The following RPN2 variants were observed in gnomAD, a reference collection of about 807,000 sequenced individuals.
RPN2 encodes the protein dolichyl-diphosphooligosaccharide--protein glycosyltransferase subunit 2.
RPN2 carries 29 observed loss-of-function variants against 71.4 expected under a neutral mutation model. The ratio of observed to expected loss-of-function variants is 0.41; its 90% confidence interval spans 0.30 to 0.55. The LOEUF is 0.55. RPN2 is among the 20% of genes least tolerant of loss of function. RPN2 has a pLI of 0.35. For missense variants in RPN2, 726 were observed against 774.1 expected, an observed-to-expected ratio of 0.94 and a Z score of 0.74; for synonymous variants, 308 against 305.0, an observed-to-expected ratio of 1.01 and a Z score of -0.10.
intron 16 of RPN2, among the ~76,000 whole-genome samples, chr20:37,239,789 C>CA (rs2068504725): frequency 6.6e-6 from 1 of 152,244 alleles, no homozygotes; most frequent in African/African-American, 2.4e-5. Context: ...CTCCCACCCC[C>CA]ACTCCCTGGC....
At chr20:37,234,394 A>C (rs930102856) in intron 15 of RPN2, among the ~76,000 whole-genome samples, 3 of 152,224 alleles carry the variant, frequency 2.0e-5, no homozygotes, top group Non-Finnish European at 4.4e-5. Context: ...GTATCTTTAC[A>C]TTGAGCAATC....
Position 37,229,960 on chromosome 20 carries a change from C to T in RPN2, c.1495-13C>T. On this transcript the variant is annotated splice_polypyrimidine_tract_variant and intron_variant, in intron 12 of 16. Coordinates refer to ENST00000237530, the MANE Select transcript of RPN2 (RefSeq NM_002951.5). ...TGCCCCTGTGCTTTTACAGACTGTC[C>T]TTATTTTTCTAGGCTGATGTGGTCA... 6.2e-7 allele frequency: 1 copy of T among 1,606,680 alleles called. No individual in the cohort carries two copies. The highest frequency in any genetic ancestry group is 8.5e-7 in the Non-Finnish European group (1 of 1,173,324).
chr20:37,204,506 C>G (rs1250873284), intron 5 of RPN2, among the ~76,000 whole-genome samples: 2 of 152,224 alleles, frequency 1.3e-5, no homozygotes, highest in Admixed American at 6.5e-5. Context: ...TGCCATGACT[C>G]CTGGGCTTGG....
At chr20:37,179,494 G>A in intron 1 of RPN2, 125 bp downstream of exon 1, 7 of 1,308,272 alleles carry the variant, frequency 5.4e-6, no homozygotes, top group Non-Finnish European at 4.9e-6. Context: ...CACAAGCTCT[G>A]GCTGGGGCGC....
chr20:37,203,517 T>A (rs1425108516), intron 4 of RPN2, among the ~76,000 whole-genome samples: 1 of 152,066 alleles, frequency 6.6e-6, no homozygotes, highest in Non-Finnish European at 1.5e-5. Context: ...ATTTTTAGTA[T>A]TTTTAGTAGA....
chr20:37,241,183 C>T lies in RPN2; in HGVS notation c.1884-120C>T, dbSNP rs532161941. 1.1e-5 allele frequency: 12 copies of T among 1,128,006 alleles called. No homozygotes were observed. In the East Asian group the frequency reaches 1.5e-4, roughly 14 times the overall value. The allele number at this position is 1,128,006 out of a possible 1,614,324, so 69.9% of individuals were successfully genotyped here. A position where few individuals can be genotyped will look rare whatever the true frequency, so the allele number is the denominator to read the frequency against. ...AGACTTGGGAGATAAATGATTATTC[C>T]CTTATAAATGGGATCTTAGAGCGGG... is the stretch of plus-strand genomic sequence containing the variant. On this transcript the variant is annotated intron_variant, in intron 16 of 16. Coordinates refer to ENST00000237530, the MANE Select transcript of RPN2 (RefSeq NM_002951.5).
chr20:37,221,010 A>G (rs570084912), intron 9 of RPN2, among the ~76,000 whole-genome samples: 2 of 152,282 alleles, frequency 1.3e-5, no homozygotes, highest in Non-Finnish European at 2.9e-5. Context: ...TGCTCACTCC[A>G]TGTATCTGCA....
At chr20:37,205,407 AG>A (rs937261369) in intron 6 of RPN2, among the ~76,000 whole-genome samples, 3 of 152,160 alleles carry the variant, frequency 2.0e-5, no homozygotes. Context: ...TTTTCTCAAG[AG>A]GAGGTTGTTA....
chr20:37,217,722 CT>C (rs199661722), intron 9 of RPN2, among the ~76,000 whole-genome samples: 5 of 146,992 alleles, frequency 3.4e-5, no homozygotes, highest in African/African-American at 1.0e-4. Flanking sequence ...CCAGACTTAG[CT>C]TTTTTTTTTC....
At chr20:37,224,961 A>T (rs1568992560) in intron 10 of RPN2, among the ~76,000 whole-genome samples, 1 of 152,356 alleles carries the variant, frequency 6.6e-6, no homozygotes, top group East Asian at 1.9e-4. Flanking sequence ...TTTGCTGTTT[A>T]ATTCTCTGCC....
At chr20:37,239,511 C>G (rs1028536998) in intron 16 of RPN2, among the ~76,000 whole-genome samples, 2 of 152,206 alleles carry the variant, frequency 1.3e-5, no homozygotes, top group Non-Finnish European at 2.9e-5. Flanking sequence ...GTATTTGGAG[C>G]CTTTCCATGG....
rs555164987 is a variant in RPN2 at position 37,184,331 on chromosome 20, C to T, written c.165C>T (p.Ile55=). ...ATTTGGAATCTGCCTTCTACTCCAT[C>T]GTGGGACTCAGCAGCCTTGGTGCTC... The part of the protein sequence containing the change: ...FTNLESAFYS[I]VGLSSLGAQV... The change falls in exon 2 of 17, where the codon ATC becomes ATT. Residue 55 remains isoleucine (I), a synonymous_variant. Transcript: ENST00000237530. The T allele has an allele frequency of 1.7e-5, 27 of 1,614,200 alleles. No homozygotes were observed. Among genetic ancestry groups the T allele is most frequent in the African/African-American group, 4.0e-5 (3 of 75,052 alleles).
intron 9 of RPN2, among the ~76,000 whole-genome samples, chr20:37,221,212 T>C (rs1283937412): frequency 6.6e-6 from 1 of 151,830 alleles, no homozygotes; most frequent in Non-Finnish European, 1.5e-5. Context: ...TTTTTTTTTT[T>C]TGAGGCGGAG....
At chr20:37,224,087 C>A in intron 10 of RPN2, 118 bp downstream of exon 10, 2 of 823,242 alleles carry the variant, frequency 2.4e-6, no homozygotes, top group South Asian at 2.8e-5. Context: ...CAGCTTACAT[C>A]CTAAATTAAA....
chr20:37,202,118 G>T (rs2067403502), intron 4 of RPN2, among the ~76,000 whole-genome samples: 1 of 152,192 alleles, frequency 6.6e-6, no homozygotes, highest in South Asian at 2.1e-4. Context: ...TACCAGCACG[G>T]CACTCTCTCA....
chr20:37,183,398 A>G (rs565688311), intron 1 of RPN2, among the ~76,000 whole-genome samples: 1 of 152,114 alleles, frequency 6.6e-6, no homozygotes, highest in South Asian at 2.1e-4. Context: ...TTGTATTTTT[A>G]GTAGAGGCGG....
chr20:37,187,895 G>A (rs568352892), intron 2 of RPN2, among the ~76,000 whole-genome samples: 2 of 152,144 alleles, frequency 1.3e-5, no homozygotes, highest in South Asian at 2.1e-4. Flanking sequence ...TGCCCTCCTC[G>A]GCCTCCCAAA....
Position 37,200,354 on chromosome 20 carries a change from A to AT in RPN2, c.479+1142dup, listed in dbSNP as rs11482444. 9.4e-3 allele frequency: 3,558 copies of AT among 378,480 alleles called. 44 individuals are homozygous for AT. Among genetic ancestry groups the AT allele is most frequent in the African/African-American group, 0.046 (2,105 of 46,054 alleles). 23.4% of individuals were successfully genotyped at this position (378,480 alleles called of 1,614,324 possible). On this transcript the variant is annotated intron_variant, in intron 4 of 16. Transcript: ENST00000237530. ...GTCTGTGTTGTCCAGGCCGGTTGTA[A>AT]TTTTTTTTTTTTTAACACTTAAACT... is the stretch of plus-strand genomic sequence containing the variant.
chr20:37,209,613 G>A (rs2067606453), intron 7 of RPN2, among the ~76,000 whole-genome samples: 1 of 151,920 alleles, frequency 6.6e-6, no homozygotes, highest in Non-Finnish European at 1.5e-5. Context: ...ACAAGCACAT[G>A]CCACCATGCC....
Sources: allele counts gnomAD v4.1 joint callset (sites outside exome capture counted in the v4.1 genomes callset), GRCh38; gene constraint gnomAD v4.1.1; transcripts MANE v1.5; gene names NCBI Gene and HGNC (gene_info 2026-07-23, HGNC 2026-07-21).